Variants in CADM2 observed in about 807,000 individuals in gnomAD.
CADM2 encodes the protein immunoglobulin superfamily member 4D.
A neutral mutation model predicts 49.8 loss-of-function variants in CADM2; 12 were observed. That is an observed-to-expected ratio of 0.24 (90% CI 0.15 to 0.39). The LOEUF (loss-of-function observed/expected upper bound fraction) is 0.39, where lower values mean the gene tolerates loss of function less well. Ranked by LOEUF, CADM2 falls within the 10% of genes least tolerant of loss-of-function variation. The pLI is 1.00. For missense variants in CADM2, 378 were observed against 492.3 expected (o/e 0.77, Z 2.20); for synonymous variants, 214 against 175.4 (o/e 1.22, Z -1.74).
At chr3:86,012,670 T>A (rs551459692) in intron 8 of CADM2, 1 of 1,363,802 alleles carries the variant, frequency 7.3e-7, no homozygotes, top group Non-Finnish European at 1.0e-6. Flanking sequence ...GGGTGGAGAA[T>A]TGTAGGAGAG....
chr3:85,246,441 A>T (rs2042647793), intron 1 of CADM2, among the ~76,000 whole-genome samples: 1 of 152,118 alleles, frequency 6.6e-6, no homozygotes, highest in East Asian at 1.9e-4. Context: ...AACTTAAAGT[A>T]TAATAAATAA....
intron 7 of CADM2, among the ~76,000 whole-genome samples, chr3:85,954,666 G>C (rs534688795): frequency 6.6e-6 from 1 of 151,274 alleles, no homozygotes; most frequent in Non-Finnish European, 1.5e-5. Context: ...CTAAGCTAAA[G>C]TTTGTTCAGG....
intron 1 of CADM2, among the ~76,000 whole-genome samples, chr3:85,615,218 G>A (rs1490506654): frequency 1.3e-5 from 2 of 151,760 alleles, no homozygotes; most frequent in Admixed American, 1.3e-4. Context: ...GAGAGAGAGA[G>A]AGAGAGAAAG....
At chr3:86,036,644 T>C (rs987688403) in intron 8 of CADM2, among the ~76,000 whole-genome samples, 1 of 152,268 alleles carries the variant, frequency 6.6e-6, no homozygotes, top group South Asian at 2.1e-4. Flanking sequence ...ATCCAATTTA[T>C]AAATTCCCTT....
intron 8 of CADM2, among the ~76,000 whole-genome samples, chr3:85,972,087 C>T (rs1309464888): frequency 6.6e-6 from 1 of 151,578 alleles, no homozygotes; most frequent in African/African-American, 2.4e-5. Context: ...GGGACCTTCT[C>T]AACCTGGTGG....
intron 1 of CADM2, among the ~76,000 whole-genome samples, chr3:84,980,743 A>G (rs1236789383): frequency 6.6e-6 from 1 of 152,102 alleles, no homozygotes; most frequent in Non-Finnish European, 1.5e-5. Flanking sequence ...AAGGTGTTTC[A>G]CCTTAGAAAT....
At chr3:85,247,238 C>T (rs985321617) in intron 1 of CADM2, among the ~76,000 whole-genome samples, 1 of 151,990 alleles carries the variant, frequency 6.6e-6, no homozygotes, top group Non-Finnish European at 1.5e-5. Context: ...TACTGAAATA[C>T]AGTAAGTGTG....
intron 1 of CADM2, among the ~76,000 whole-genome samples, chr3:85,474,304 G>A (rs141871154): frequency 1.2e-3 from 175 of 151,908 alleles, no homozygotes; most frequent in African/African-American, 3.9e-3. Context: ...GTTGGAGTCC[G>A]AAGAGAGTCT....
intron 8 of CADM2, among the ~76,000 whole-genome samples, chr3:86,060,141 T>G (rs940196163): frequency 6.6e-5 from 10 of 151,924 alleles, no homozygotes; most frequent in Admixed American, 5.2e-4. Context: ...TGAATGTATC[T>G]GAAACAAACT....
intron 1 of CADM2, among the ~76,000 whole-genome samples, chr3:85,106,681 A>G (rs7622775): frequency 0.096 from 14,588 of 152,210 alleles, 1,240 homozygotes; most frequent in Admixed American, 0.27. Flanking sequence ...GATATTAATT[A>G]AAACAAGTAC....
chr3:86,016,809 T>C (rs1398248627), intron 8 of CADM2, among the ~76,000 whole-genome samples: 2 of 152,172 alleles, frequency 1.3e-5, no homozygotes, highest in Non-Finnish European at 2.9e-5. Context: ...TAAAATAGAC[T>C]AGTTTCCAAA....
chr3:85,448,143 A>G (rs1178766408), intron 1 of CADM2, among the ~76,000 whole-genome samples: 1 of 151,980 alleles, frequency 6.6e-6, no homozygotes, highest in African/African-American at 2.4e-5. Context: ...CATCCTGGCT[A>G]ATACCGTGAA....
chr3:85,790,646 C>T (rs1577318270), intron 2 of CADM2, among the ~76,000 whole-genome samples: 1 of 152,244 alleles, frequency 6.6e-6, no homozygotes, highest in South Asian at 2.1e-4. Flanking sequence ...ATGGGCTGCT[C>T]ACAATGGCCA....
At chr3:85,357,569 A>G (rs1386373595) in intron 1 of CADM2, among the ~76,000 whole-genome samples, 1 of 152,088 alleles carries the variant, frequency 6.6e-6, no homozygotes, top group African/African-American at 2.4e-5. Context: ...TTTTACAGAT[A>G]GAAAACTCAA....
At chr3:85,044,339 T>C (rs952529637) in intron 1 of CADM2, among the ~76,000 whole-genome samples, 1 of 152,030 alleles carries the variant, frequency 6.6e-6, no homozygotes, top group Non-Finnish European at 1.5e-5. Context: ...AAGACCTGGG[T>C]AATGTGAGAT....
chr3:85,390,345 A>G (rs1026244186), intron 1 of CADM2, among the ~76,000 whole-genome samples: 5 of 152,086 alleles, frequency 3.3e-5, no homozygotes, highest in Non-Finnish European at 2.9e-5. Context: ...TTGCACTTCA[A>G]TCGTGGTTCT....
intron 1 of CADM2, among the ~76,000 whole-genome samples, chr3:85,099,128 C>A (rs941499905): frequency 1.3e-5 from 2 of 152,056 alleles, no homozygotes; most frequent in Admixed American, 6.6e-5. Context: ...CAAAAGCACA[C>A]CAAAATAATC....
At chr3:85,452,417 G>A (rs1008063715) in intron 1 of CADM2, among the ~76,000 whole-genome samples, 2 of 152,166 alleles carry the variant, frequency 1.3e-5, no homozygotes, top group East Asian at 1.9e-4. Context: ...CTGCCTTGAA[G>A]AAACACTTTA....
At chr3:85,094,174 T>A (rs1037402537) in intron 1 of CADM2, among the ~76,000 whole-genome samples, 6 of 152,256 alleles carry the variant, frequency 3.9e-5, no homozygotes, top group African/African-American at 1.4e-4. Context: ...TTGTATTTTC[T>A]CTCTCAGTTA....
Sources: gnomAD v4.1 joint callset for allele counts (sites outside exome capture counted in the v4.1 genomes callset) on GRCh38, gnomAD v4.1.1 for gene constraint, MANE v1.5 for transcripts, NCBI Gene and HGNC (gene_info 2026-07-23, HGNC 2026-07-21) for gene names.